SLC2A9: variants seen among roughly 807,000 people sequenced by gnomAD.
SLC2A9 encodes the protein solute carrier family 2 member 9.
In SLC2A9, 39 loss-of-function variants were observed where a neutral mutation model predicts 50.6. That is an observed-to-expected ratio of 0.77 (90% CI 0.60 to 1.01). SLC2A9 has a LOEUF of 1.01. Among genes scored for constraint, SLC2A9 ranks in the 50% least tolerant of loss-of-function variants. SLC2A9 has a pLI of 0.00. For synonymous variants in SLC2A9, 324 were observed against 276.9 expected, an observed-to-expected ratio of 1.17 and a Z score of -1.69; for missense variants, 686 against 677.6, an observed-to-expected ratio of 1.01 and a Z score of -0.14.
At chr4:9,979,475 G>A (rs1755341966) in intron 5 of SLC2A9, among the ~76,000 whole-genome samples, 1 of 152,064 alleles carries the variant, frequency 6.6e-6, no homozygotes, top group Non-Finnish European at 1.5e-5. Context: ...TGCCCTGCCT[G>A]TGTGAGTGGG....
chr4:9,973,372 A>C (rs1754229245), intron 5 of SLC2A9, among the ~76,000 whole-genome samples: 1 of 152,206 alleles, frequency 6.6e-6, no homozygotes, highest in Non-Finnish European at 1.5e-5. Flanking sequence ...TGTACAAAGA[A>C]GAGCTGGTAC....
At chr4:9,805,640 G>A (rs1279697918) in intron 3 of SLC2A9, among the ~76,000 whole-genome samples, 2 of 148,908 alleles carry the variant, frequency 1.3e-5, no homozygotes, top group Admixed American at 1.3e-4. Context: ...GATGGAGGTT[G>A]TAGTGAGCCC....
rs112499719 is a variant in SLC2A9, at chr4:9,959,118, G to A, written c.682-17073C>T. 2.2e-3 allele frequency among the ~76,000 whole-genome samples: 327 copies of A among 152,050 alleles called. 1 individual carries two copies. Among genetic ancestry groups the A allele is most frequent in the African/African-American group, 7.2e-3 (297 of 41,444 alleles). On this transcript the variant is annotated intron_variant, in intron 5 of 11. Transcript: ENST00000264784. The stretch of plus-strand genomic sequence containing the variant: ...ATGGTGCTGGAAGAATGCTAAGGCA[G>A]GTGGATCACTTGAGGTTAGGAGTTG...
intron 6 of SLC2A9, among the ~76,000 whole-genome samples, chr4:9,921,117 T>C (rs112476618): frequency 6.6e-6 from 1 of 152,248 alleles, no homozygotes; most frequent in South Asian, 2.1e-4. Context: ...GTCCATGCTA[T>C]TGTGAAAAGA....
chr4:10,028,829 T>C (rs1441835582), intron 1 of SLC2A9, among the ~76,000 whole-genome samples: 1 of 152,168 alleles, frequency 6.6e-6, no homozygotes, highest in Non-Finnish European at 1.5e-5. Flanking sequence ...TCCCAAGCAC[T>C]AATCACAGAA....
intron 5 of SLC2A9, among the ~76,000 whole-genome samples, chr4:9,956,752 G>C (rs1751376226): frequency 8.4e-6 from 1 of 119,644 alleles, no homozygotes; most frequent in Non-Finnish European, 1.7e-5. Context: ...TTGTGTATTG[G>C]GTACCGAAAA....
At chr4:9,785,426 C>T (rs1045823188) in intron 3 of SLC2A9, among the ~76,000 whole-genome samples, 2 of 152,236 alleles carry the variant, frequency 1.3e-5, no homozygotes, top group African/African-American at 4.8e-5. Flanking sequence ...CTGTTCACCT[C>T]GTGAACCTTG....
intron 3 of SLC2A9, among the ~76,000 whole-genome samples, chr4:9,815,081 T>A (rs537930517): frequency 1.3e-5 from 2 of 152,168 alleles, no homozygotes. Context: ...AATAACCCAA[T>A]GATATTTACT....
At chr4:9,989,234 T>C (rs908125828) in intron 3 of SLC2A9, among the ~76,000 whole-genome samples, 4 of 152,192 alleles carry the variant, frequency 2.6e-5, no homozygotes, top group African/African-American at 4.8e-5. Context: ...AATCTCTGTC[T>C]ACTGGGCATC....
At chr4:9,978,210 C>T (rs1487705780) in intron 5 of SLC2A9, among the ~76,000 whole-genome samples, 3 of 152,196 alleles carry the variant, frequency 2.0e-5, no homozygotes, top group Non-Finnish European at 4.4e-5. Flanking sequence ...AAAGTCCTTG[C>T]AGTCTGAGTA....
downstream of SLC2A9, among the ~76,000 whole-genome samples, chr4:9,824,975 C>T (rs1214052580): frequency 6.6e-6 from 1 of 152,154 alleles, no homozygotes; most frequent in African/African-American, 2.4e-5. Context: ...AAGAATACTC[C>T]ACAGAAAAGG....
At chr4:9,822,242 C>T (rs1220322260), downstream of SLC2A9, among the ~76,000 whole-genome samples, 5 of 152,190 alleles carry the variant, frequency 3.3e-5, no homozygotes, top group South Asian at 4.2e-4. Flanking sequence ...TTGGTTTCAT[C>T]GATTTTCTTA....
intron 3 of SLC2A9, among the ~76,000 whole-genome samples, chr4:9,810,306 G>T (rs1476284670): frequency 6.6e-6 from 1 of 151,970 alleles, no homozygotes; most frequent in Non-Finnish European, 1.5e-5. Flanking sequence ...CTTTATGGTT[G>T]CCAGCTGTGA....
chr4:9,920,662 C>G (rs1743772530), intron 6 of SLC2A9, 90 bp from the exon 7 acceptor site: 1 of 1,469,934 alleles, frequency 6.8e-7, no homozygotes, highest in Non-Finnish European at 9.5e-7. Flanking sequence ...GTCCCACCTC[C>G]TAGCCACACA....
intron 11 of SLC2A9, among the ~76,000 whole-genome samples, chr4:9,832,885 C>T (rs925447521): frequency 2.6e-5 from 4 of 152,128 alleles, no homozygotes; most frequent in African/African-American, 4.8e-5. Flanking sequence ...TGTTAATGCT[C>T]AAACTGTGGC....
intron 10 of SLC2A9, among the ~76,000 whole-genome samples, chr4:9,878,663 C>T (rs140275687): frequency 3.3e-5 from 5 of 152,078 alleles, no homozygotes; most frequent in African/African-American, 1.2e-4. Flanking sequence ...TTCCTGAGTT[C>T]TGGGAGTCAT....
intron 5 of SLC2A9, among the ~76,000 whole-genome samples, chr4:9,957,694 ATAAT>A (rs1457980821): frequency 6.6e-6 from 1 of 152,200 alleles, no homozygotes; most frequent in East Asian, 1.9e-4. Flanking sequence ...ATATGATAAA[ATAAT>A]AAAAATACAG....
intron 10 of SLC2A9, among the ~76,000 whole-genome samples, chr4:9,855,012 G>A (rs1406370652): frequency 3.3e-5 from 5 of 152,124 alleles, no homozygotes; most frequent in Admixed American, 6.5e-5. Flanking sequence ...CATACTGAGT[G>A]GGCAAAAGCT....
At chr4:9,775,741 G>C (rs1246061411), downstream of SLC2A9, among the ~76,000 whole-genome samples, 2 of 152,134 alleles carry the variant, frequency 1.3e-5, no homozygotes, top group African/African-American at 4.8e-5. Context: ...GCAGATGCCA[G>C]CACCATGCTT....
Sources: allele counts gnomAD v4.1 joint callset (sites outside exome capture counted in the v4.1 genomes callset), GRCh38; gene constraint gnomAD v4.1.1; transcripts MANE v1.5; gene names NCBI Gene and HGNC (gene_info 2026-07-23, HGNC 2026-07-21).